NSG2: variants seen among roughly 807,000 people sequenced by gnomAD.
NSG2 encodes neuronal vesicle trafficking associated 2, also known as neuronal vesicle trafficking-associated protein 2.
NSG2 carries 4 observed loss-of-function variants against 16.9 expected under a neutral mutation model. The ratio of observed to expected loss-of-function variants is 0.24; its 90% CI spans 0.12 to 0.54. The LOEUF is 0.54. NSG2 is among the 20% of genes least tolerant of loss of function. The probability of loss-of-function intolerance (pLI) is 0.95; values close to 1 mark genes in which losing one functional copy is unlikely to be tolerated. For synonymous variants in NSG2, 98 were observed against 88.7 expected, an observed-to-expected ratio of 1.11 and a Z score of -0.59; for missense variants, 179 against 221.1, an observed-to-expected ratio of 0.81 and a Z score of 1.21.
chr5:174,100,351 G>T (rs1467021597), intron 3 of NSG2, among the ~76,000 whole-genome samples: 1 of 152,224 alleles, frequency 6.6e-6, no homozygotes, highest in African/African-American at 2.4e-5. Context: ...TTGAGATAGG[G>T]CTAGAGCTCC....
chr5:174,102,008 T>C (rs1760902434), intron 3 of NSG2, among the ~76,000 whole-genome samples: 1 of 152,214 alleles, frequency 6.6e-6, no homozygotes, highest in Non-Finnish European at 1.5e-5. Context: ...ATCACTCCAA[T>C]CCAGGGCAGG....
intron 3 of NSG2, among the ~76,000 whole-genome samples, chr5:174,102,750 TTTTTTTTATTTA>T (rs757236384): frequency 2.8e-3 from 254 of 91,262 alleles, no homozygotes; most frequent in African/African-American, 0.012. Flanking sequence ...CCATGCTTTG[TTTTTTTTATTTA>T]TTTATTTATT....
At chr5:174,080,669 G>T (rs1305669298) in intron 3 of NSG2, among the ~76,000 whole-genome samples, 1 of 151,790 alleles carries the variant, frequency 6.6e-6, no homozygotes, top group African/African-American at 2.4e-5. Context: ...TCAAGTGATG[G>T]TTGTGCCTCA....
At chr5:174,099,258 C>T (rs1165791450) in intron 3 of NSG2, among the ~76,000 whole-genome samples, 3 of 152,176 alleles carry the variant, frequency 2.0e-5, no homozygotes, top group Non-Finnish European at 2.9e-5. Context: ...CCCCAGCAAC[C>T]ATTGACAACT....
At chr5:174,061,051 A>C (rs1322840162) in intron 2 of NSG2, among the ~76,000 whole-genome samples, 2 of 152,146 alleles carry the variant, frequency 1.3e-5, no homozygotes, top group Non-Finnish European at 2.9e-5. Context: ...CCAAAAAGCA[A>C]TTATTACCCC....
chr5:174,098,606 C>A (rs1404588948), intron 3 of NSG2, among the ~76,000 whole-genome samples: 1 of 152,138 alleles, frequency 6.6e-6, no homozygotes, highest in Admixed American at 6.5e-5. Context: ...CGTCAAAGGG[C>A]CCCCCTCGTG....
At chr5:174,073,580 C>T (rs1474287356) in intron 3 of NSG2, among the ~76,000 whole-genome samples, 2 of 152,126 alleles carry the variant, frequency 1.3e-5, no homozygotes, top group Non-Finnish European at 2.9e-5. Context: ...GTGCTTTCGC[C>T]TGGCTTTGTG....
chr5:174,059,116 C>T (rs58544493), intron 2 of NSG2, among the ~76,000 whole-genome samples: 21,334 of 152,088 alleles, frequency 0.14, 2,091 homozygotes, highest in African/African-American at 0.27. Flanking sequence ...CCCATGACTG[C>T]AAATGGTGAG....
chr5:174,066,199 T>C, intron 3 of NSG2: 1 of 456,214 alleles, frequency 2.2e-6, no homozygotes, highest in Non-Finnish European at 4.4e-6. Flanking sequence ...TTATTGTACT[T>C]TCAGTGTCTG....
chr5:174,059,151 T>TG (rs1233958668), intron 2 of NSG2, among the ~76,000 whole-genome samples: 40 of 152,334 alleles, frequency 2.6e-4, no homozygotes, highest in African/African-American at 9.4e-4. Context: ...GATAAACATA[T>TG]TATACATATA....
chr5:174,076,018 C>A (rs1160373231), intron 3 of NSG2, among the ~76,000 whole-genome samples: 1 of 152,220 alleles, frequency 6.6e-6, no homozygotes, highest in Non-Finnish European at 1.5e-5. Context: ...TCTTGACAAC[C>A]TGAACCCAGT....
At chr5:174,069,509 G>C (rs928077323) in intron 3 of NSG2, among the ~76,000 whole-genome samples, 3 of 152,032 alleles carry the variant, frequency 2.0e-5, no homozygotes, top group Admixed American at 2.0e-4. Flanking sequence ...TTAGCTTCAT[G>C]ACCTTGGGAA....
chr5:174,068,664 T>C (rs980316309), intron 3 of NSG2, among the ~76,000 whole-genome samples: 1 of 150,680 alleles, frequency 6.6e-6, no homozygotes, highest in Non-Finnish European at 1.5e-5. Context: ...AGGGTGCTGG[T>C]GTCATAGTGA....
intron 3 of NSG2, among the ~76,000 whole-genome samples, chr5:174,066,542 T>C (rs1210646271): frequency 3.3e-5 from 5 of 152,234 alleles, no homozygotes; most frequent in African/African-American, 9.6e-5. Flanking sequence ...ATTACCTTTT[T>C]TCCCTCAGAG....
chr5:174,102,941 C>CTTTTTTTTTTTTT (rs143473714), intron 3 of NSG2, among the ~76,000 whole-genome samples: 8 of 111,700 alleles, frequency 7.2e-5, no homozygotes, highest in African/African-American at 1.1e-4. Flanking sequence ...ACCACCCTGG[C>CTTTTTTTTTTTTT]TTTTTTTTTT....
chr5:174,093,280 G>A (rs1048736796), intron 3 of NSG2, among the ~76,000 whole-genome samples: 3 of 152,140 alleles, frequency 2.0e-5, no homozygotes, highest in Non-Finnish European at 2.9e-5. Flanking sequence ...AGGCATTCCC[G>A]GGAAAGGCTG....
At chr5:174,090,354 T>C (rs1760702664) in intron 3 of NSG2, among the ~76,000 whole-genome samples, 1 of 152,190 alleles carries the variant, frequency 6.6e-6, no homozygotes, top group Non-Finnish European at 1.5e-5. Flanking sequence ...CAGAGGCGCG[T>C]GGGCAACGTC....
At chr5:174,054,108 T>G (rs1759932258) in intron 2 of NSG2, among the ~76,000 whole-genome samples, 1 of 152,248 alleles carries the variant, frequency 6.6e-6, no homozygotes, top group South Asian at 2.1e-4. Context: ...ATGAGGCTGA[T>G]CTGCATGCGC....
chr5:174,064,192 A>G (rs941583786), intron 2 of NSG2, 40 bp from the exon 3 acceptor site: 3 of 1,369,602 alleles, frequency 2.2e-6, no homozygotes, highest in Middle Eastern at 1.9e-4. Flanking sequence ...AAAATGTTTC[A>G]AGTCTCCATG....
Sources: gnomAD v4.1 joint callset for allele counts (sites outside exome capture counted in the v4.1 genomes callset) on GRCh38, gnomAD v4.1.1 for gene constraint, MANE v1.5 for transcripts, NCBI Gene and HGNC (gene_info 2026-07-23, HGNC 2026-07-21) for gene names.